The following NOL4 variants were observed in gnomAD, a reference collection of about 807,000 sequenced individuals.
NOL4 encodes the protein cancer/testis antigen 125.
In NOL4, 17 loss-of-function variants were observed where a neutral mutation model predicts 75.9. The observed-to-expected ratio is 0.22, with a 90% CI of 0.15 to 0.34. The LOEUF (loss-of-function observed/expected upper bound fraction) is 0.34. NOL4 is among the 10% of genes least tolerant of loss of function. NOL4 has a pLI of 1.00. For missense variants in NOL4, 614 were observed against 793.5 expected (o/e 0.77, Z 2.72); for synonymous variants, 292 against 289.9 (o/e 1.01, Z -0.07).
intron 10 of NOL4, among the ~76,000 whole-genome samples, chr18:33,869,798 A>G (rs967643957): frequency 3.9e-5 from 6 of 152,088 alleles, no homozygotes; most frequent in African/African-American, 1.4e-4. Flanking sequence ...ATCTGTACTT[A>G]GATGTAGAAC....
chr18:33,931,402 T>C (rs1187365972), intron 9 of NOL4, among the ~76,000 whole-genome samples: 1 of 152,094 alleles, frequency 6.6e-6, no homozygotes. Context: ...GGCAGTCTCA[T>C]GTGACCAAGA....
chr18:34,120,712 G>C (rs181984461), intron 2 of NOL4, among the ~76,000 whole-genome samples: 18 of 152,294 alleles, frequency 1.2e-4, no homozygotes, highest in Admixed American at 2.6e-4. Context: ...GAGGTAGGAA[G>C]TCAGTATTCT....
chr18:33,921,183 G>T (rs1020598224), intron 9 of NOL4, among the ~76,000 whole-genome samples: 1 of 152,170 alleles, frequency 6.6e-6, no homozygotes, highest in Non-Finnish European at 1.5e-5. Flanking sequence ...GTGAAATTTT[G>T]CCCCAGGATG....
chr18:33,933,492 T>C (rs765055016), intron 9 of NOL4, among the ~76,000 whole-genome samples: 15 of 152,174 alleles, frequency 9.9e-5, no homozygotes, highest in Non-Finnish European at 2.1e-4. Context: ...TTGCCCATAG[T>C]AGAGCTTCTT....
chr18:34,021,442 G>C lies in NOL4; in HGVS notation c.773-1841C>G, dbSNP rs182837237. 1.2e-4 allele frequency among the ~76,000 whole-genome samples: 19 copies of C among 152,236 alleles called. No homozygotes were observed. In the East Asian group the frequency reaches 3.5e-3, roughly 28 times the overall value. ...AAGAGTAGTCTGGAGTGCAAGAAAA[G>C]AGAATGGGAAAAGATAAACAGAAGA... On this transcript the variant is annotated intron_variant, in intron 5 of 10. Transcript: ENST00000261592.
chr18:33,973,715 C>T (rs1248860292), intron 6 of NOL4, among the ~76,000 whole-genome samples: 5 of 152,152 alleles, frequency 3.3e-5, no homozygotes, highest in South Asian at 2.1e-4. Context: ...GGTGACCAAG[C>T]GCACTGTGCG....
intron 5 of NOL4, among the ~76,000 whole-genome samples, chr18:34,076,505 G>T (rs193142570): frequency 1.3e-5 from 2 of 152,128 alleles, no homozygotes; most frequent in Non-Finnish European, 2.9e-5. Context: ...TTGAAAGAAC[G>T]ATGAAAATGA....
At chr18:34,088,317 A>T (rs1471718958) in intron 5 of NOL4, among the ~76,000 whole-genome samples, 1 of 152,076 alleles carries the variant, frequency 6.6e-6, no homozygotes, top group Non-Finnish European at 1.5e-5. Context: ...CTGTTTTAGA[A>T]GGTACAAATT....
chr18:33,998,080 A>G (rs2073422488), intron 6 of NOL4, among the ~76,000 whole-genome samples: 2 of 152,068 alleles, frequency 1.3e-5, no homozygotes, highest in Non-Finnish European at 2.9e-5. Flanking sequence ...AGAAAAATCT[A>G]CAGAGCCAGA....
At chr18:34,087,834 A>G (rs1012308939) in intron 5 of NOL4, among the ~76,000 whole-genome samples, 28 of 152,052 alleles carry the variant, frequency 1.8e-4, no homozygotes, top group African/African-American at 6.5e-4. Flanking sequence ...AGTGGGAGGC[A>G]AAGATTTTTA....
chr18:34,000,185 C>T (rs1165056630), intron 6 of NOL4, among the ~76,000 whole-genome samples: 1 of 152,112 alleles, frequency 6.6e-6, no homozygotes, highest in Non-Finnish European at 1.5e-5. Flanking sequence ...GGCATTTATC[C>T]TGACTGTCCA....
chr18:34,164,992 C>G (rs1568411411), intron 1 of NOL4, among the ~76,000 whole-genome samples: 6 of 148,262 alleles, frequency 4.0e-5, no homozygotes, highest in Non-Finnish European at 1.5e-5. Flanking sequence ...ATCGCAAGGA[C>G]AAAAAACCAA....
chr18:34,182,577 C>G (rs988461555), intron 1 of NOL4, among the ~76,000 whole-genome samples: 1 of 151,532 alleles, frequency 6.6e-6, no homozygotes, highest in African/African-American at 2.4e-5. Context: ...TAATAAAAAT[C>G]AATACACTGA....
chr18:34,162,932 C>T (rs1234101250), intron 1 of NOL4, among the ~76,000 whole-genome samples: 1 of 152,180 alleles, frequency 6.6e-6, no homozygotes, highest in Non-Finnish European at 1.5e-5. Context: ...AAGGCTGCTT[C>T]AACATACGCA....
At chr18:33,932,433 A>T (rs1215293048) in intron 9 of NOL4, among the ~76,000 whole-genome samples, 1 of 152,108 alleles carries the variant, frequency 6.6e-6, no homozygotes, top group African/African-American at 2.4e-5. Flanking sequence ...TTTTATAGGA[A>T]TAAAATAGAA....
At chr18:33,899,898 G>C (rs752575651) in intron 9 of NOL4, among the ~76,000 whole-genome samples, 4 of 152,036 alleles carry the variant, frequency 2.6e-5, no homozygotes, top group Non-Finnish European at 5.9e-5. Context: ...TGCATGCTAG[G>C]TTTTCTGGGA....
chr18:33,921,394 G>T (rs2067028224), intron 9 of NOL4, among the ~76,000 whole-genome samples: 2 of 152,216 alleles, frequency 1.3e-5, no homozygotes, highest in Admixed American at 6.5e-5. Context: ...AGAATATATT[G>T]CTATGGGTTG....
In NOL4 at chr18:34,056,823, C is replaced by G. The variant is rs575872070; in HGVS notation, c.772+36642G>C. ...AGAGTTCTTAAAAAGGGATTCTGGT[C>G]CATATATTGTTAACTCAGTGTCTTC... On this transcript the variant is annotated intron_variant, in intron 5 of 10. Transcript: ENST00000261592. Among the ~76,000 whole-genome samples, 135 of 152,212 alleles carry G rather than the reference C, an allele frequency of 8.9e-4. 2 individuals are homozygous for G. The highest frequency in any genetic ancestry group is 1.9e-4 in the Non-Finnish European group (13 of 68,018).
At chr18:33,966,682 A>G (rs985389164) in intron 6 of NOL4, among the ~76,000 whole-genome samples, 2 of 152,118 alleles carry the variant, frequency 1.3e-5, no homozygotes, top group African/African-American at 4.8e-5. Context: ...CAACAATGCA[A>G]ACACCAATAA....
Sources: allele counts gnomAD v4.1 joint callset (sites outside exome capture counted in the v4.1 genomes callset), GRCh38; gene constraint gnomAD v4.1.1; transcripts MANE v1.5; gene names NCBI Gene and HGNC (gene_info 2026-07-23, HGNC 2026-07-21).